PCYT1A: variants seen among roughly 807,000 people sequenced by gnomAD.
PCYT1A encodes phosphate cytidylyltransferase 1A, choline.
Under a neutral mutation model 43.7 loss-of-function variants are expected in PCYT1A, and 25 were observed. The ratio of observed to expected loss-of-function variants is 0.57; its 90% CI spans 0.42 to 0.80. PCYT1A has a LOEUF of 0.80. Among genes scored for constraint, PCYT1A ranks in the 30% least tolerant of loss-of-function variants. The probability of loss-of-function intolerance (pLI) is 0.00; values close to 1 mark genes in which losing one functional copy is unlikely to be tolerated. For missense variants in PCYT1A, 421 were observed against 474.2 expected (o/e 0.89, Z 1.04); for synonymous variants, 172 against 170.7 (o/e 1.01, Z -0.06).
rs879730737 is a variant in PCYT1A, at chr3:196,268,124, T to TAA, written c.117+2290_117+2291insTT. ...AAGCATTAAGACTCCCCAGAAGAAT[T>TAA]TAAAAAAAAAAAAGATTCCCAGAGT... On this transcript the variant is annotated intron_variant, in intron 2 of 8. Transcript: ENST00000431016. This position sits in a 1 kb window ranked among gnomAD's most constrained non-coding sequence, Gnocchi z 4.4. Among the ~76,000 whole-genome samples, 2 of 123,050 alleles carry TAA rather than the reference T, an allele frequency of 1.6e-5. No individual in the cohort carries two copies. Among genetic ancestry groups the TAA allele is most frequent in the African/African-American group, 6.6e-5 (2 of 30,174 alleles). The allele number at this position is 123,050 out of a possible 152,430, so 80.7% of individuals were successfully genotyped here.
At chr3:196,246,901 G>A (rs1724585647) in intron 5 of PCYT1A, among the ~76,000 whole-genome samples, 1 of 150,470 alleles carries the variant, frequency 6.6e-6, no homozygotes, top group Admixed American at 6.6e-5. Context: ...TGTAATTTGT[G>A]GCGAGTTCAG....
At chr3:196,241,654 A>G in intron 7 of PCYT1A, 1 of 1,362,358 alleles carries the variant, frequency 7.3e-7, no homozygotes, top group South Asian at 1.2e-5. Flanking sequence ...AAGAAGAGAG[A>G]GGAAGTTTAA....
chr3:196,239,854 C>T (rs1724297393), intron 7 of PCYT1A, 119 bp from the exon 8 acceptor site: 9 of 703,326 alleles, frequency 1.3e-5, no homozygotes, highest in Admixed American at 2.4e-5. Flanking sequence ...TAGAATTTTG[C>T]TTTGCTTTAA....
chr3:196,276,393 C>T (rs1232965013), intron 1 of PCYT1A, among the ~76,000 whole-genome samples: 2 of 152,014 alleles, frequency 1.3e-5, no homozygotes, highest in Non-Finnish European at 1.5e-5. Flanking sequence ...CACCTCAGGT[C>T]AGGAGTTTGA....
Position 196,248,297 on chromosome 3 carries a change from C to T in PCYT1A, c.244G>A (p.Asp82Asn). The change falls in exon 4 of 9, where the codon GAT (aspartate) becomes AAT (asparagine). Residue 82 changes from aspartate to asparagine, a missense_variant. Physicochemically the swap from Asp to Asn is conservative, Grantham distance 23. Transcript: ENST00000431016. ...GAGTGAAATAAGTCAAATATTCCAT[C>T]GGCATAAACTCTCACAGGTCGCTCA... ...PCERPVRVYA[D>N]GIFDLFHSGH... The T allele has an allele frequency of 2.5e-6, 4 of 1,610,998 alleles. No individual in the cohort carries two copies. Among genetic ancestry groups the T allele is most frequent in the South Asian group, 1.1e-5 (1 of 91,002 alleles).
At position 196,242,881 on chromosome 3, in the gene PCYT1A, G is replaced by C. The variant is rs1178719665; in HGVS notation, c.487-241C>G. The stretch of plus-strand genomic sequence containing the variant: ...TGTAGCTATTTCTCCTAGTCTGCTA[G>C]AACTGTTACCCTCACTCTGTATACC... On this transcript the variant is annotated intron_variant, in intron 5 of 8. Coordinates refer to ENST00000431016, the MANE Select transcript of PCYT1A (RefSeq NM_001312673.2). The surrounding 1 kb of genome is among the most constrained non-coding windows in gnomAD (Gnocchi z 4.2). 2 of 535,584 alleles carry C rather than the reference G, an allele frequency of 3.7e-6. No individual in the cohort carries two copies. The highest frequency in any genetic ancestry group is 6.8e-6 in the Non-Finnish European group (2 of 295,296). 33.2% of individuals were successfully genotyped at this position (535,584 alleles called of 1,614,324 possible).
intron 3 of PCYT1A, among the ~76,000 whole-genome samples, chr3:196,253,057 G>T (rs778174696): frequency 6.6e-6 from 1 of 152,072 alleles, no homozygotes; most frequent in Non-Finnish European, 1.5e-5. Flanking sequence ...AGATTTTTGG[G>T]CCGGGCACAG....
rs546286227 is a variant in PCYT1A, at chr3:196,282,251, T to C, written c.-11+5364A>G. ...CTTATACTTCTTCGGCCTGGACATG[T>C]AGTAGAATATTTCAGGAAAGAAAAA... On this transcript the variant is annotated intron_variant, in intron 1 of 8. Transcript: ENST00000431016. The surrounding 1 kb of genome is among the most constrained non-coding windows in gnomAD (Gnocchi z 4.3). Among the ~76,000 whole-genome samples the C allele has an allele frequency of 6.6e-6, 1 of 152,338 alleles. No individual in the cohort carries two copies. Among genetic ancestry groups the C allele is most frequent in the Non-Finnish European group, 1.5e-5 (1 of 68,024 alleles).
intron 1 of PCYT1A, among the ~76,000 whole-genome samples, chr3:196,276,721 C>T (rs927970952): frequency 1.3e-4 from 20 of 152,114 alleles, no homozygotes; most frequent in African/African-American, 4.6e-4. Context: ...TAAAAATGCT[C>T]TACAGGATTC....
At position 196,235,972 on chromosome 3, in the gene PCYT1A, TCAGA is replaced by T. The variant is rs1724151231; in HGVS notation, c.*2712_*2715del. ...CACTATAAAAGATTTTAGCTTTCAGTCAGACAAATAGCTTTCAGTCAAAACGATT... is the reference window on the plus strand; with the variant it reads ...CACTATAAAAGATTTTAGCTTTCAGTCAAATAGCTTTCAGTCAAAACGATT... On this transcript the variant is annotated 3_prime_UTR_variant, in exon 9 of 9. Coordinates refer to ENST00000431016, the MANE Select transcript of PCYT1A (RefSeq NM_001312673.2). The surrounding 1 kb of genome is among the most constrained non-coding windows in gnomAD (Gnocchi z 4.3). 2 of 152,188 alleles carry T rather than the reference TCAGA, an allele frequency of 1.3e-5. No individual in the cohort carries two copies. The highest frequency in any genetic ancestry group is 2.4e-5 in the African/African-American group (1 of 41,428). 9.4% of individuals were successfully genotyped at this position (152,188 alleles called of 1,614,324 possible). A position where few individuals can be genotyped will look rare whatever the true frequency, so the allele number is the denominator to read the frequency against.
rs1400690033 is a variant in PCYT1A, at chr3:196,273,630, C to G, written c.-10-3089G>C. The stretch of plus-strand genomic sequence containing the variant: ...AGGTCATCCTGACGTCTCTGCAGCC[C>G]TCAGTGGAGAGGAGACCTGGAGTGG... On this transcript the variant is annotated intron_variant, in intron 1 of 8. Coordinates refer to ENST00000431016, the MANE Select transcript of PCYT1A (RefSeq NM_001312673.2). The surrounding 1 kb of genome is among the most constrained non-coding windows in gnomAD (Gnocchi z 4.1). Among the ~76,000 whole-genome samples the G allele has an allele frequency of 6.6e-6, 1 of 151,752 alleles. No homozygotes were observed. The highest frequency in any genetic ancestry group is 1.5e-5 in the Non-Finnish European group (1 of 68,020).
chr3:196,278,250 A>G (rs1725648225), intron 1 of PCYT1A, among the ~76,000 whole-genome samples: 1 of 152,210 alleles, frequency 6.6e-6, no homozygotes. Context: ...ATAACTGCCC[A>G]GTAACCATTT....
chr3:196,269,674 A>G (rs1725374394), intron 2 of PCYT1A, among the ~76,000 whole-genome samples: 1 of 152,092 alleles, frequency 6.6e-6, no homozygotes, highest in Admixed American at 6.6e-5. Flanking sequence ...ATAATTTTCC[A>G]GAGATAAAGG....
rs145231050 is a variant in PCYT1A, at chr3:196,279,036, C to T, written c.-10-8495G>A. Among the ~76,000 whole-genome samples the T allele has an allele frequency of 6.5e-3, 977 of 150,502 alleles. 3 individuals are homozygous for T. The highest frequency in any genetic ancestry group is 0.011 in the Non-Finnish European group (712 of 67,774). ...GGTGTGGTGGCTCACACTTGTAATCCCAACACTTTGAGAGGCCAAGGCGGG... is the reference window on the plus strand; with the variant it reads ...GGTGTGGTGGCTCACACTTGTAATCTCAACACTTTGAGAGGCCAAGGCGGG... On this transcript the variant is annotated intron_variant, in intron 1 of 8. Transcript: ENST00000431016.
At chr3:196,270,657 C>T (rs1725404099) in intron 1 of PCYT1A, 116 bp from the exon 2 acceptor site, 4 of 770,224 alleles carry the variant, frequency 5.2e-6, no homozygotes, top group Admixed American at 3.6e-5. Flanking sequence ...TCTACAGCTG[C>T]ACTTCACCAA....
intron 1 of PCYT1A, among the ~76,000 whole-genome samples, chr3:196,278,614 G>A (rs1460586059): frequency 6.6e-6 from 1 of 152,100 alleles, no homozygotes; most frequent in Non-Finnish European, 1.5e-5. Flanking sequence ...CCTCCCTCAA[G>A]AGCCCTACTA....
chr3:196,269,536 G>A (rs59352354), intron 2 of PCYT1A, among the ~76,000 whole-genome samples: 55,798 of 151,810 alleles, frequency 0.37, 10,965 homozygotes, highest in East Asian at 0.81. Flanking sequence ...TTTTAGGAAG[G>A]GTAGCAAGCT....
chr3:196,248,497 A>C (rs1173836697), intron 3 of PCYT1A, among the ~76,000 whole-genome samples, 174 bp from the exon 4 acceptor site: 3 of 150,664 alleles, frequency 2.0e-5, no homozygotes, highest in African/African-American at 7.3e-5. Flanking sequence ...TCAGCCTCCC[A>C]AGCAGCTGGG....
chr3:196,253,767 C>T lies in PCYT1A; in HGVS notation c.217+4021G>A, dbSNP rs149522890. On this transcript the variant is annotated intron_variant, in intron 3 of 8. Coordinates refer to ENST00000431016, the MANE Select transcript of PCYT1A (RefSeq NM_001312673.2). ...AACCCAGGCTGATATATTAACCAAA[C>T]GGCCAGAAGGGGTCACTGTTGAACT... is the stretch of plus-strand genomic sequence containing the variant. 1.3e-4 allele frequency among the ~76,000 whole-genome samples: 20 copies of T among 152,242 alleles called. No homozygotes were observed. In the South Asian group the frequency reaches 2.7e-3, roughly 21 times the overall value.
Sources: gnomAD v4.1 joint callset for allele counts (sites outside exome capture counted in the v4.1 genomes callset) on GRCh38, gnomAD v4.1.1 for gene constraint, Gnocchi (gnomAD v3.1) non-coding constraint, MANE v1.5 for transcripts, NCBI Gene and HGNC (gene_info 2026-07-23, HGNC 2026-07-21) for gene names.